The following IWS1 variants were observed in gnomAD, a reference collection of about 807,000 sequenced individuals.
IWS1 encodes interacts with SUPT6H, CTD assembly factor 1.
Under a neutral mutation model 86.7 loss-of-function variants are expected in IWS1, and 27 were observed. The observed-to-expected ratio is 0.31, with a 90% CI of 0.23 to 0.43. The LOEUF (loss-of-function observed/expected upper bound fraction) is 0.43, where lower values mean the gene tolerates loss of function less well. Ranked by LOEUF, IWS1 falls within the 20% of genes least tolerant of loss-of-function variation. IWS1 has a pLI of 1.00. For synonymous variants in IWS1, 313 were observed against 335.1 expected (o/e 0.93, Z 0.72); for missense variants, 827 against 1,000.8 (o/e 0.83, Z 2.34).
chr2:127,513,325 G>A (rs1032523944), intron 2 of IWS1, among the ~76,000 whole-genome samples: 1 of 152,204 alleles, frequency 6.6e-6, no homozygotes, highest in East Asian at 1.9e-4. Context: ...AGAAAAAAAT[G>A]TCAACTATCC....
intron 13 of IWS1, chr2:127,486,177 G>A (rs915376006): frequency 4.8e-5 from 9 of 188,640 alleles, no homozygotes; most frequent in Non-Finnish European, 9.0e-5. Context: ...GAAGAGAAAG[G>A]GAGAGGTAGG....
chr2:127,501,423 TTTTG>T (rs1488745201), intron 5 of IWS1, among the ~76,000 whole-genome samples: 3 of 150,224 alleles, frequency 2.0e-5, no homozygotes, highest in Admixed American at 2.0e-4. Context: ...GTAGATTTCT[TTTTG>T]TTTATCTTCC....
At chr2:127,503,756 A>G (rs1252713549) in intron 3 of IWS1, among the ~76,000 whole-genome samples, 180 bp from the exon 4 acceptor site, 1 of 152,136 alleles carries the variant, frequency 6.6e-6, no homozygotes. Context: ...TTTTAAAATA[A>G]CTAAATGGCT....
Position 127,526,223 on chromosome 2 carries a change from C to G in IWS1, c.-15G>C. On this transcript the variant is annotated 5_prime_UTR_variant, in exon 1 of 14. Transcript: ENST00000295321. The stretch of plus-strand genomic sequence containing the variant: ...TCCGAGTCCATGGCAGGCGGACTCT[C>G]AGCGGGGAGTGTCCGCGCCCCGCGC... 3 of 1,563,226 alleles carry G rather than the reference C, an allele frequency of 1.9e-6. No individual in the cohort carries two copies. In the South Asian group the frequency reaches 3.5e-5, roughly 18 times the overall value.
At chr2:127,516,071 A>G (rs1406310016) in intron 2 of IWS1, among the ~76,000 whole-genome samples, 6 of 152,186 alleles carry the variant, frequency 3.9e-5, no homozygotes, top group Non-Finnish European at 8.8e-5. Flanking sequence ...AGACCATGCC[A>G]AGAGATGCAA....
intron 2 of IWS1, among the ~76,000 whole-genome samples, chr2:127,516,275 C>T (rs1357392378): frequency 6.6e-6 from 1 of 152,160 alleles, no homozygotes; most frequent in East Asian, 1.9e-4. Flanking sequence ...AGAATCTCTT[C>T]AACCTGGGCA....
rs556430268 is a variant in IWS1 at position 127,498,323 on chromosome 2, T to C, written c.1468-86A>G. On this transcript the variant is annotated intron_variant, in intron 5 of 13. Coordinates refer to ENST00000295321, the MANE Select transcript of IWS1 (RefSeq NM_017969.3). ...ATTTTGCATTTTTAAAGTAATTCAT[T>C]CACAAAGAACAAAAATTCAATAGAT... The C allele has an allele frequency of 7.8e-5, 103 of 1,318,362 alleles. No homozygotes were observed. The East Asian group carries it at 2.4e-3, about 31-fold the overall frequency. The allele number at this position is 1,318,362 out of a possible 1,614,324, so 81.7% of individuals were successfully genotyped here. A position where few individuals can be genotyped will look rare whatever the true frequency, so the allele number is the denominator to read the frequency against.
At position 127,500,089 on chromosome 2, in the gene IWS1, G is replaced by A. The variant is rs1573529528; in HGVS notation, c.1468-1852C>T. ...GGCAGAATTCAGTCTTCACCATAAA[G>A]AAAAAGATTGGTAAATTTGATCCTA... On this transcript the variant is annotated intron_variant, in intron 5 of 13. Transcript: ENST00000295321. 2.0e-5 allele frequency among the ~76,000 whole-genome samples: 3 copies of A among 152,108 alleles called. No homozygotes were observed. In the East Asian group the frequency reaches 5.8e-4, roughly 29 times the overall value.
chr2:127,516,337 G>A (rs931322054), intron 2 of IWS1, among the ~76,000 whole-genome samples: 39 of 151,996 alleles, frequency 2.6e-4, no homozygotes, highest in African/African-American at 4.1e-4. Context: ...GTGAGACTCC[G>A]CACCCCGCCC....
At chr2:127,512,844 A>T (rs1691546535) in intron 2 of IWS1, among the ~76,000 whole-genome samples, 1 of 152,286 alleles carries the variant, frequency 6.6e-6, no homozygotes, top group Non-Finnish European at 1.5e-5. Context: ...AACAATAAAC[A>T]TTCAAAAATG....
chr2:127,489,233 G>C lies in IWS1; in HGVS notation c.2162C>G (p.Thr721Ser). The change falls in exon 12 of 14, where the codon ACT (threonine) becomes AGT (serine). Residue 721 changes from threonine to serine, a missense_variant and splice_region_variant. Coordinates refer to ENST00000295321, the MANE Select transcript of IWS1 (RefSeq NM_017969.3). This position sits in a 1 kb window ranked among gnomAD's most constrained non-coding sequence, Gnocchi z 4.8. Reference protein sequence around the residue: ...QMPQRRRMNSTGGQTPRRDLE... With the variant: ...QMPQRRRMNSSGGQTPRRDLE... The stretch of plus-strand genomic sequence containing the variant: ...GTCTCTTCTGGGTGTCTGACCACCA[G>C]TGCTGAAAAAAAAGTAAACAAGGAG... 1.9e-6 allele frequency: 3 copies of C among 1,610,204 alleles called. No homozygotes were observed. The highest frequency in any genetic ancestry group is 2.2e-5 in the South Asian group (2 of 90,552).
intron 2 of IWS1, chr2:127,514,447 G>A (rs1691660166): frequency 6.5e-6 from 1 of 154,396 alleles, no homozygotes; most frequent in African/African-American, 2.4e-5. Flanking sequence ...CCAACGCCGT[G>A]GGCAGCAGGA....
chr2:127,502,815 T>C lies in IWS1; in HGVS notation c.1467A>G (p.Thr489=), dbSNP rs761527694. 4.0e-6 allele frequency: 6 copies of C among 1,517,330 alleles called. No homozygotes were observed. The African/African-American group carries it at 5.5e-5, about 14-fold the overall frequency. 94.0% of individuals were successfully genotyped at this position (1,517,330 alleles called of 1,614,324 possible). Residue 489 remains threonine, a splice_region_variant and synonymous_variant, in exon 5 of 14, where the codon ACA becomes ACG. Coordinates refer to ENST00000295321, the MANE Select transcript of IWS1 (RefSeq NM_017969.3). ...GGAAATATTTCCATCTTATACTTAC[T>C]GTAAATTCTTCTTCCTCTTCATCAC... ...ESGDEEEEEF[T]GFNQEDLEEE...
At chr2:127,522,699 C>T (rs952798786) in intron 2 of IWS1, among the ~76,000 whole-genome samples, 1 of 152,228 alleles carries the variant, frequency 6.6e-6, no homozygotes, top group African/African-American at 2.4e-5. Context: ...GTTCTTAAAT[C>T]TTTGCATCTT....
intron 2 of IWS1, among the ~76,000 whole-genome samples, chr2:127,513,144 G>A (rs988203061): frequency 6.6e-6 from 1 of 152,200 alleles, no homozygotes; most frequent in Non-Finnish European, 1.5e-5. Flanking sequence ...AGGATGCTGA[G>A]GCAAGAGAAT....
intron 5 of IWS1, among the ~76,000 whole-genome samples, chr2:127,498,504 T>C (rs994307548): frequency 3.9e-5 from 6 of 152,202 alleles, no homozygotes; most frequent in African/African-American, 1.4e-4. Flanking sequence ...TCAGAGTGGG[T>C]ACAGGATAAT....
chr2:127,506,936 C>T (rs1254310225), intron 2 of IWS1, among the ~76,000 whole-genome samples: 5 of 152,132 alleles, frequency 3.3e-5, no homozygotes, highest in Non-Finnish European at 4.4e-5. Flanking sequence ...AATTTTTTCT[C>T]CCATCTGGTA....
At chr2:127,508,844 G>A (rs1691286907) in intron 2 of IWS1, among the ~76,000 whole-genome samples, 1 of 152,162 alleles carries the variant, frequency 6.6e-6, no homozygotes, top group African/African-American at 2.4e-5. Flanking sequence ...AGCTGGATCG[G>A]GGCACAGCAC....
chr2:127,483,987 C>T (rs1689796882), intron 13 of IWS1, among the ~76,000 whole-genome samples: 1 of 152,094 alleles, frequency 6.6e-6, no homozygotes, highest in Non-Finnish European at 1.5e-5. Context: ...AAGTTCAAGG[C>T]ATATCTGGAA....
Sources: gnomAD v4.1 joint callset for allele counts (sites outside exome capture counted in the v4.1 genomes callset) on GRCh38, gnomAD v4.1.1 for gene constraint, Gnocchi (gnomAD v3.1) non-coding constraint, MANE v1.5 for transcripts, NCBI Gene and HGNC (gene_info 2026-07-23, HGNC 2026-07-21) for gene names.